CTNNA3: variants seen among roughly 807,000 people sequenced by gnomAD.
CTNNA3 encodes the protein catenin alpha 3, also known as catenin alpha-3.
Under a neutral mutation model 95.7 loss-of-function variants are expected in CTNNA3, and 76 were observed. That is an observed-to-expected ratio of 0.79 (90% CI 0.66 to 0.96). The LOEUF is 0.96. Among genes scored for constraint, CTNNA3 ranks in the 40% least tolerant of loss-of-function variants. CTNNA3 has a pLI of 0.00. For synonymous variants in CTNNA3, 431 were observed against 374.4 expected (o/e 1.15, Z -1.74); for missense variants, 1,191 against 1,089.8 (o/e 1.09, Z -1.31).
chr10:66,795,074 C>A (rs1841135690), intron 7 of CTNNA3, among the ~76,000 whole-genome samples: 1 of 152,144 alleles, frequency 6.6e-6, no homozygotes, highest in Non-Finnish European at 1.5e-5. Context: ...GGTTTGGAAT[C>A]AACTTCTTCC....
At chr10:66,845,135 CT>C (rs1276256359) in intron 7 of CTNNA3, among the ~76,000 whole-genome samples, 1 of 152,082 alleles carries the variant, frequency 6.6e-6, no homozygotes, top group East Asian at 1.9e-4. Flanking sequence ...AATGGGTAGA[CT>C]TTGCACTGAC....
chr10:66,179,997 T>TA (rs1223042115), intron 13 of CTNNA3, among the ~76,000 whole-genome samples: 1 of 152,154 alleles, frequency 6.6e-6, no homozygotes, highest in Admixed American at 6.5e-5. Flanking sequence ...TAGAAATTTA[T>TA]AAAAAATTAA....
chr10:67,093,087 T>C (rs1750349248), intron 7 of CTNNA3, among the ~76,000 whole-genome samples: 1 of 151,976 alleles, frequency 6.6e-6, no homozygotes. Flanking sequence ...GAAGTAATGA[T>C]AAACAGGAGT....
At chr10:66,754,810 T>C (rs956591137) in intron 9 of CTNNA3, among the ~76,000 whole-genome samples, 8 of 152,210 alleles carry the variant, frequency 5.3e-5, no homozygotes, top group African/African-American at 1.9e-4. Flanking sequence ...TAGTAACAAC[T>C]GTTGGCATGT....
intron 5 of CTNNA3, among the ~76,000 whole-genome samples, chr10:67,490,541 T>A (rs745825217): frequency 6.6e-6 from 1 of 152,134 alleles, no homozygotes; most frequent in Non-Finnish European, 1.5e-5. Flanking sequence ...ACCCTTCTGG[T>A]GCAAGCCTAC....
rs144852931 is a variant in CTNNA3 at position 66,507,961 on chromosome 10, C to T, written c.1531+12656G>A. 1.0e-3 allele frequency among the ~76,000 whole-genome samples: 157 copies of T among 152,182 alleles called. 1 individual carries two copies. Among genetic ancestry groups the T allele is most frequent in the African/African-American group, 3.7e-3 (155 of 41,540 alleles). ...CATAATAAATAGCTGTACTAATTAA[C>T]ATTCCCACTAACAGTACATAAGAAT... On this transcript the variant is annotated intron_variant, in intron 11 of 17. Transcript: ENST00000433211.
chr10:66,754,968 C>T (rs187155338), intron 9 of CTNNA3, among the ~76,000 whole-genome samples: 32 of 151,962 alleles, frequency 2.1e-4, no homozygotes, highest in African/African-American at 7.0e-4. Flanking sequence ...TACATATATA[C>T]CCAAGAGAAA....
At chr10:66,754,863 T>C (rs1439803133) in intron 9 of CTNNA3, among the ~76,000 whole-genome samples, 2 of 152,130 alleles carry the variant, frequency 1.3e-5, no homozygotes, top group Non-Finnish European at 2.9e-5. Flanking sequence ...GAATGTAAAA[T>C]GGTAGAGCCT....
At chr10:67,122,267 G>C (rs993979559) in intron 7 of CTNNA3, among the ~76,000 whole-genome samples, 3 of 151,886 alleles carry the variant, frequency 2.0e-5, no homozygotes, top group African/African-American at 7.3e-5. Context: ...TTAAAAAAAG[G>C]TCTTTTTAAT....
At chr10:65,952,607 A>G (rs2077643074) in intron 17 of CTNNA3, among the ~76,000 whole-genome samples, 1 of 152,126 alleles carries the variant, frequency 6.6e-6, no homozygotes, top group Non-Finnish European at 1.5e-5. Flanking sequence ...AGGTTCAGAA[A>G]GCTCATTAAC....
chr10:67,141,519 A>G (rs951093074), intron 7 of CTNNA3, among the ~76,000 whole-genome samples: 2 of 152,188 alleles, frequency 1.3e-5, no homozygotes, highest in African/African-American at 2.4e-5. Context: ...GACCAAGTCA[A>G]AATTACCCCC....
At chr10:66,609,229 T>G in intron 10 of CTNNA3, among the ~76,000 whole-genome samples, 1 of 150,832 alleles carries the variant, frequency 6.6e-6, no homozygotes. Flanking sequence ...CAGGCTAAAT[T>G]TTTTTTGTAT....
At chr10:66,549,605 A>G (rs1589410173) in intron 10 of CTNNA3, among the ~76,000 whole-genome samples, 1 of 152,166 alleles carries the variant, frequency 6.6e-6, no homozygotes, top group East Asian at 1.9e-4. Context: ...CTTTTCTTAT[A>G]TAAGCATTTA....
intron 5 of CTNNA3, among the ~76,000 whole-genome samples, chr10:67,360,349 A>G (rs1220254271): frequency 1.3e-5 from 2 of 151,798 alleles, no homozygotes; most frequent in South Asian, 2.1e-4. Context: ...AAAACCTCAC[A>G]TATCAATATT....
intron 9 of CTNNA3, among the ~76,000 whole-genome samples, chr10:66,755,647 T>C (rs1839335334): frequency 1.3e-5 from 2 of 152,126 alleles, no homozygotes; most frequent in East Asian, 1.9e-4. Flanking sequence ...ATGTGCCATA[T>C]GACTCAGTAA....
At chr10:67,342,923 T>G (rs544608838) in intron 5 of CTNNA3, among the ~76,000 whole-genome samples, 44 of 152,266 alleles carry the variant, frequency 2.9e-4, no homozygotes, top group African/African-American at 9.1e-4. Context: ...TGGATGGCTT[T>G]GGCTGTTCTG....
chr10:66,296,421 C>T (rs1488605313), intron 12 of CTNNA3, among the ~76,000 whole-genome samples: 4 of 152,038 alleles, frequency 2.6e-5, no homozygotes, highest in Non-Finnish European at 4.4e-5. Context: ...ATTCTGTCTC[C>T]TCTTCTAGTA....
chr10:67,272,731 T>C (rs1250899360), intron 5 of CTNNA3, among the ~76,000 whole-genome samples: 1 of 152,172 alleles, frequency 6.6e-6, no homozygotes, highest in Admixed American at 6.5e-5. Flanking sequence ...CTAAAGCATC[T>C]TGATAATTAC....
At chr10:66,795,317 C>T (rs961590580) in intron 7 of CTNNA3, among the ~76,000 whole-genome samples, 16 of 152,052 alleles carry the variant, frequency 1.1e-4, no homozygotes, top group Admixed American at 1.0e-3. Flanking sequence ...GTTGTGTTAC[C>T]AGGCATGAAA....
Sources: gnomAD v4.1 joint callset for allele counts (sites outside exome capture counted in the v4.1 genomes callset) on GRCh38, gnomAD v4.1.1 for gene constraint, MANE v1.5 for transcripts, NCBI Gene and HGNC (gene_info 2026-07-23, HGNC 2026-07-21) for gene names.